The following MUC13 variants were observed in gnomAD, a reference collection of about 807,000 sequenced individuals.
MUC13 encodes the protein mucin-13.
A neutral mutation model predicts 48.3 loss-of-function variants in MUC13; 32 were observed. That is an observed-to-expected ratio of 0.66 (90% CI 0.50 to 0.89). The LOEUF (loss-of-function observed/expected upper bound fraction) is 0.89. Ranked by LOEUF, MUC13 falls within the 40% of genes least tolerant of loss-of-function variation. The probability of loss-of-function intolerance (pLI) is 0.00; values close to 1 mark genes in which losing one functional copy is unlikely to be tolerated. For synonymous variants in MUC13, 199 were observed against 224.9 expected, an observed-to-expected ratio of 0.88 and a Z score of 1.03; for missense variants, 571 against 622.8, an observed-to-expected ratio of 0.92 and a Z score of 0.88.
intron 3 of MUC13, 31 bp downstream of exon 3, chr3:124,923,496 G>A (rs1347665944): frequency 6.2e-7 from 1 of 1,604,902 alleles, no homozygotes; most frequent in Non-Finnish European, 8.5e-7. Context: ...GAGATACAGA[G>A]CTCAGCCATG....
At chr3:124,926,560 C>T (rs912039105) in intron 2 of MUC13, among the ~76,000 whole-genome samples, 3 of 152,166 alleles carry the variant, frequency 2.0e-5, no homozygotes, top group East Asian at 1.9e-4. Context: ...TATCAAAGAA[C>T]ATTGAGGAAG....
In MUC13 at chr3:124,916,497, T is replaced by A; in HGVS notation, c.801-17A>T. The A allele has an allele frequency of 3.1e-6, 5 of 1,600,082 alleles. No individual in the cohort carries two copies. The highest frequency in any genetic ancestry group is 4.3e-6 in the Non-Finnish European group (5 of 1,171,722). On this transcript the variant is annotated splice_polypyrimidine_tract_variant and intron_variant, in intron 5 of 11. Transcript: ENST00000616727. ...AGAGATGTGCTAAAAATGAGATGAA[T>A]CTGTCACTTAATGAATTGAACTGAA...
At chr3:124,914,635 A>G (rs1935480013) in intron 6 of MUC13, among the ~76,000 whole-genome samples, 3 of 151,966 alleles carry the variant, frequency 2.0e-5, no homozygotes, top group South Asian at 4.2e-4. Flanking sequence ...AGAACAGGAA[A>G]GTGTTTTCCG....
intron 1 of MUC13, 152 bp from the exon 2 acceptor site, chr3:124,928,145 G>A: frequency 3.3e-6 from 2 of 600,366 alleles, no homozygotes; most frequent in Non-Finnish European, 5.5e-6. Context: ...TAAACCCCTG[G>A]GCTCAAGCAG....
At chr3:124,923,738 CCT>C (rs1560000100) in intron 2 of MUC13, 89 bp from the exon 3 acceptor site, 9 of 1,364,750 alleles carry the variant, frequency 6.6e-6, no homozygotes, top group Non-Finnish European at 8.1e-6. Context: ...ATGCCTCCCC[CCT>C]GGGCCCTTTC....
intron 10 of MUC13, among the ~76,000 whole-genome samples, chr3:124,909,485 C>T (rs199665524): frequency 1.3e-5 from 2 of 148,342 alleles, no homozygotes; most frequent in South Asian, 2.2e-4. Flanking sequence ...TGTGTGCTTG[C>T]GTGTGTGTGT....
At chr3:124,920,853 G>T (rs1300139873) in intron 4 of MUC13, among the ~76,000 whole-genome samples, 4 of 152,210 alleles carry the variant, frequency 2.6e-5, no homozygotes, top group Non-Finnish European at 2.9e-5. Context: ...TGGCACATTT[G>T]AAAGCAGATC....
At chr3:124,919,960 G>A (rs892700814) in intron 5 of MUC13, among the ~76,000 whole-genome samples, 4 of 152,200 alleles carry the variant, frequency 2.6e-5, no homozygotes, top group African/African-American at 9.7e-5. Context: ...AAGAGATCCA[G>A]ATGATGTCCT....
rs1474622388 is a variant in MUC13, at chr3:124,909,512, GTGTGTA to G, written c.1337+897_1337+902del. On this transcript the variant is annotated intron_variant, in intron 10 of 11. Transcript: ENST00000616727. ...TGTGTGTGTGTGTGTGTGTGTGTGT[GTGTGTA>G]TGTGAGACAGGGTCTTGCTCTGTCA... Among the ~76,000 whole-genome samples, 21 of 129,006 alleles carry G rather than the reference GTGTGTA, an allele frequency of 1.6e-4. No homozygotes were observed. The East Asian group carries it at 2.9e-3, about 18-fold the overall frequency. The allele number at this position is 129,006 out of a possible 152,430, so 84.6% of individuals were successfully genotyped here. A position where few individuals can be genotyped will look rare whatever the true frequency, so the allele number is the denominator to read the frequency against.
chr3:124,916,316 C>G lies in MUC13; in HGVS notation c.964+1G>C. The G allele has an allele frequency of 6.2e-7, 1 of 1,607,518 alleles. No individual in the cohort carries two copies. The highest frequency in any genetic ancestry group is 8.5e-7 in the Non-Finnish European group (1 of 1,176,782). The stretch of plus-strand genomic sequence containing the variant: ...TTTGAATAAAATTATACAATACTTA[C>G]AATCATAGTTTAGAAAGTTGCTTGA... On this transcript the variant is annotated splice_donor_variant, in intron 6 of 11. Coordinates refer to ENST00000616727, the MANE Select transcript of MUC13 (RefSeq NM_033049.4). LOFTEE classifies it high-confidence loss of function.
intron 6 of MUC13, among the ~76,000 whole-genome samples, chr3:124,915,548 A>T (rs1020833439): frequency 2.6e-5 from 4 of 152,168 alleles, no homozygotes; most frequent in Admixed American, 2.0e-4. Flanking sequence ...CACACTATCC[A>T]CTTGAGCCCA....
rs1274615655 is a variant in MUC13, at chr3:124,923,546, G to A, written c.618C>T (p.Asn206=). The change falls in exon 3 of 12, where the codon AAC becomes AAT. Residue 206 remains asparagine, a synonymous_variant. Transcript: ENST00000616727. ...ACTCACCTTTCTTACATGTAGAAGA[G>A]TTGTAGTAATACCCTTCTAAACACA... ...FCLCLEGYYY[N]SSTCKKGKVF... is the part of the protein sequence containing the mutation. 1.2e-6 allele frequency: 2 copies of A among 1,613,660 alleles called. No homozygotes were observed. Among genetic ancestry groups the A allele is most frequent in the African/African-American group, 1.3e-5 (1 of 74,914 alleles).
chr3:124,912,054 T>C (rs750901929), intron 9 of MUC13, 50 bp downstream of exon 9: 3 of 1,596,964 alleles, frequency 1.9e-6, no homozygotes, highest in Non-Finnish European at 2.6e-6. Flanking sequence ...CACTATTGAT[T>C]TCTCAGATGT....
At chr3:124,922,891 T>C (rs1356857635) in intron 3 of MUC13, among the ~76,000 whole-genome samples, 1 of 152,064 alleles carries the variant, frequency 6.6e-6, no homozygotes, top group Non-Finnish European at 1.5e-5. Flanking sequence ...AAAGAAAAAG[T>C]TGCAATGAAC....
At chr3:124,918,215 A>T (rs1393573634) in intron 5 of MUC13, among the ~76,000 whole-genome samples, 1 of 152,106 alleles carries the variant, frequency 6.6e-6, no homozygotes, top group African/African-American at 2.4e-5. Context: ...GGGCTGAAAG[A>T]GCTTGGGGAG....
chr3:124,918,508 G>A (rs745907410), intron 5 of MUC13, among the ~76,000 whole-genome samples: 1 of 152,212 alleles, frequency 6.6e-6, no homozygotes, highest in African/African-American at 2.4e-5. Context: ...AACAGATGAT[G>A]TTGAAATCAA....
chr3:124,907,663 G>T (rs1123061), intron 11 of MUC13, among the ~76,000 whole-genome samples: 14,418 of 150,186 alleles, frequency 0.096, 875 homozygotes, highest in African/African-American at 0.17. Flanking sequence ...TATATAGAGA[G>T]AGAGAGAGAG....
intron 7 of MUC13, 91 bp downstream of exon 7, chr3:124,913,471 C>A: frequency 6.3e-7 from 1 of 1,585,720 alleles, no homozygotes; most frequent in East Asian, 2.2e-5. Context: ...CTCTGAAATG[C>A]ATGTGGAAAC....
At chr3:124,923,856 G>A (rs565103759) in intron 2 of MUC13, among the ~76,000 whole-genome samples, 115 of 152,108 alleles carry the variant, frequency 7.6e-4, no homozygotes, top group Non-Finnish European at 1.5e-3. Flanking sequence ...CTAGAGCCAA[G>A]TATAATACTT....
Sources: gnomAD v4.1 joint callset for allele counts (sites outside exome capture counted in the v4.1 genomes callset) on GRCh38, gnomAD v4.1.1 for gene constraint, MANE v1.5 for transcripts, NCBI Gene and HGNC (gene_info 2026-07-23, HGNC 2026-07-21) for gene names.